APP: variants seen among roughly 807,000 people sequenced by gnomAD.
The protein encoded by APP is amyloid beta precursor protein, also known as amyloid-beta precursor protein.
Under a neutral mutation model 101.4 loss-of-function variants are expected in APP, and 31 were observed. That is an observed-to-expected ratio of 0.31 (90% confidence interval 0.23 to 0.41). The LOEUF is 0.41. Among genes scored for constraint, APP ranks in the 10% least tolerant of loss-of-function variants. The pLI is 1.00. For missense variants in APP, 839 were observed against 1,003.7 expected (o/e 0.84, Z 2.22); for synonymous variants, 366 against 364.4 (o/e 1.00, Z -0.05).
chr21:26,099,768 T>C (rs1053034922), intron 2 of APP, among the ~76,000 whole-genome samples: 14 of 152,170 alleles, frequency 9.2e-5, no homozygotes, highest in African/African-American at 3.4e-4. Flanking sequence ...GCTTGCAACT[T>C]AATGAGGCGC....
intron 11 of APP, among the ~76,000 whole-genome samples, chr21:25,970,148 T>C (rs1450756658): frequency 6.6e-6 from 1 of 152,136 alleles, no homozygotes; most frequent in Non-Finnish European, 1.5e-5. Flanking sequence ...TAATTTTTTT[T>C]TCAAATGAAC....
At chr21:26,102,381 G>A (rs1033429533) in intron 2 of APP, among the ~76,000 whole-genome samples, 1 of 151,922 alleles carries the variant, frequency 6.6e-6, no homozygotes, top group Non-Finnish European at 1.5e-5. Context: ...GAGCCACTGC[G>A]CCCGGCCAAA....
intron 3 of APP, among the ~76,000 whole-genome samples, chr21:26,062,760 T>C (rs565039971): frequency 5.3e-4 from 80 of 152,058 alleles, no homozygotes; most frequent in African/African-American, 1.7e-3. Flanking sequence ...TTTTTTTATA[T>C]TTTTTATTTT....
At chr21:26,066,769 G>C (rs2046471311) in intron 3 of APP, among the ~76,000 whole-genome samples, 1 of 152,032 alleles carries the variant, frequency 6.6e-6, no homozygotes, top group African/African-American at 2.4e-5. Context: ...AGCTGCTCCT[G>C]GTTCGCCTTT....
At chr21:25,888,174 A>T (rs2829974) in intron 17 of APP, among the ~76,000 whole-genome samples, 5,907 of 152,262 alleles carry the variant, frequency 0.039, 375 homozygotes, top group African/African-American at 0.13. Context: ...AAGTAGGGTT[A>T]CTGATTAATG....
chr21:25,881,283 G>A lies in APP; in HGVS notation c.*387C>T, dbSNP rs200600383. On this transcript the variant is annotated 3_prime_UTR_variant, in exon 18 of 18. Coordinates refer to ENST00000346798, the MANE Select transcript of APP (RefSeq NM_000484.4). ...ACGTTCACATGAAGCATCCCCCATC[G>A]ATTCTTAAAGCATATGTAAAGTAGG... is the stretch of plus-strand genomic sequence containing the variant. 5 of 265,322 alleles carry A rather than the reference G, an allele frequency of 1.9e-5. No homozygotes were observed. Among genetic ancestry groups the A allele is most frequent in the Non-Finnish European group, 3.7e-5 (5 of 135,586 alleles). The allele number at this position is 265,322 out of a possible 1,614,324, so 16.4% of individuals were successfully genotyped here.
At chr21:25,969,301 T>C (rs1330301490) in intron 11 of APP, among the ~76,000 whole-genome samples, 3 of 119,900 alleles carry the variant, frequency 2.5e-5, no homozygotes, top group African/African-American at 6.6e-5. Context: ...TGAGCCAAGA[T>C]CACGCCACTG....
intron 1 of APP, among the ~76,000 whole-genome samples, chr21:26,114,727 G>C (rs1336728760): frequency 6.6e-6 from 1 of 151,974 alleles, no homozygotes; most frequent in Non-Finnish European, 1.5e-5. Flanking sequence ...AACTTCCTTT[G>C]ATTTCTTCTA....
chr21:26,096,901 C>A (rs1198974146), intron 2 of APP, among the ~76,000 whole-genome samples: 1 of 152,212 alleles, frequency 6.6e-6, no homozygotes, highest in Non-Finnish European at 1.5e-5. Context: ...ACAGGGAATA[C>A]TCAGAGAGAC....
chr21:26,111,951 G>A (rs2062334143), intron 2 of APP, 28 bp downstream of exon 2: 1 of 1,613,374 alleles, frequency 6.2e-7, no homozygotes, highest in Non-Finnish European at 8.5e-7. Flanking sequence ...GATCCAACGT[G>A]AATTGCTAGC....
intron 2 of APP, among the ~76,000 whole-genome samples, chr21:26,111,000 T>C (rs537928705): frequency 7.0e-6 from 1 of 143,174 alleles, no homozygotes; most frequent in Non-Finnish European, 1.5e-5. Flanking sequence ...CCCTGTATAG[T>C]AACAGCAAAA....
chr21:25,924,411 C>CAAAAAAAAAAAAAAAAAAAAAAAAAAAA (rs551284093), intron 13 of APP, among the ~76,000 whole-genome samples: 1 of 56,818 alleles, frequency 1.8e-5, no homozygotes, highest in Non-Finnish European at 2.9e-5. Flanking sequence ...TTTGCAAATA[C>CAAAAAAAAAAAAAAAAAAAAAAAAAAAA]AAAAAAAAAA....
chr21:26,122,776 T>G (rs1368912209), intron 1 of APP, among the ~76,000 whole-genome samples: 1 of 151,722 alleles, frequency 6.6e-6, no homozygotes, highest in Admixed American at 6.6e-5. Context: ...TTAATAAAAT[T>G]TTTTATTTTA....
intron 1 of APP, among the ~76,000 whole-genome samples, chr21:26,153,452 T>C (rs2063318844): frequency 7.5e-6 from 1 of 133,936 alleles, no homozygotes; most frequent in African/African-American, 3.1e-5. Context: ...GATACCCCTG[T>C]ACCTTGTTGT....
rs2062102825 is a variant in APP at position 26,103,215 on chromosome 21, C to T, written c.225+8764G>A. Among the ~76,000 whole-genome samples the T allele has an allele frequency of 2.0e-5, 3 of 152,202 alleles. No homozygotes were observed. The South Asian group carries it at 6.2e-4, about 32-fold the overall frequency. ...ATTTATGACTTTACTATTGAATTATCATGGCCTTTGCATTTGAAGCGGATA... is the reference window on the plus strand; with the variant it reads ...ATTTATGACTTTACTATTGAATTATTATGGCCTTTGCATTTGAAGCGGATA... On this transcript the variant is annotated intron_variant, in intron 2 of 17. Transcript: ENST00000346798.
chr21:26,056,865 T>C (rs1233466130), intron 3 of APP, among the ~76,000 whole-genome samples: 2 of 152,230 alleles, frequency 1.3e-5, no homozygotes, highest in Non-Finnish European at 2.9e-5. Context: ...CTTTTAAAAT[T>C]TGATGAAACA....
chr21:26,055,390 T>C (rs779654932), intron 3 of APP, among the ~76,000 whole-genome samples: 1 of 152,186 alleles, frequency 6.6e-6, no homozygotes, highest in Non-Finnish European at 1.5e-5. Flanking sequence ...TGATACCACA[T>C]TTCTCTTTTA....
chr21:26,074,091 A>G (rs1428629488), intron 3 of APP, among the ~76,000 whole-genome samples: 1 of 152,190 alleles, frequency 6.6e-6, no homozygotes, highest in Non-Finnish European at 1.5e-5. Flanking sequence ...CAAAAAATAT[A>G]TTTTAAAATG....
intron 1 of APP, among the ~76,000 whole-genome samples, chr21:26,148,086 T>G (rs2063189453): frequency 6.6e-6 from 1 of 152,148 alleles, no homozygotes; most frequent in African/African-American, 2.4e-5. Context: ...AGAAGGATAT[T>G]GATTCTCCCT....
Sources: allele counts gnomAD v4.1 joint callset (sites outside exome capture counted in the v4.1 genomes callset), GRCh38; gene constraint gnomAD v4.1.1; transcripts MANE v1.5; gene names NCBI Gene and HGNC (gene_info 2026-07-23, HGNC 2026-07-21).